Variants in TMEM108 observed in about 807,000 individuals in gnomAD.
TMEM108 encodes the protein cancer/testis antigen 124.
TMEM108 carries 12 observed loss-of-function variants against 35.1 expected under a neutral mutation model. That is an observed-to-expected ratio of 0.34 (90% confidence interval 0.22 to 0.55). The LOEUF (loss-of-function observed/expected upper bound fraction) is 0.55. Ranked by LOEUF, TMEM108 falls within the 20% of genes least tolerant of loss-of-function variation. The pLI, the probability that TMEM108 is intolerant of heterozygous loss-of-function variation, is 0.89. For missense variants in TMEM108, 680 were observed against 753.3 expected (o/e 0.90, Z 1.14); for synonymous variants, 287 against 308.6 (o/e 0.93, Z 0.73).
At chr3:133,274,293 T>G (rs1406750611) in intron 3 of TMEM108, among the ~76,000 whole-genome samples, 6 of 152,232 alleles carry the variant, frequency 3.9e-5, no homozygotes, top group Admixed American at 3.9e-4. Flanking sequence ...GTCGAGGCTG[T>G]AGAGAATCCT....
At chr3:133,262,596 G>A (rs1053628002) in intron 3 of TMEM108, among the ~76,000 whole-genome samples, 2 of 152,218 alleles carry the variant, frequency 1.3e-5, no homozygotes, top group African/African-American at 4.8e-5. Flanking sequence ...CTAAGATACA[G>A]CATGTGGAAA....
At chr3:133,041,099 G>T (rs1342272388) in intron 1 of TMEM108, among the ~76,000 whole-genome samples, 1 of 152,212 alleles carries the variant, frequency 6.6e-6, no homozygotes. Context: ...ATTGGGGAAA[G>T]AGGAGAGCCA....
intron 1 of TMEM108, among the ~76,000 whole-genome samples, chr3:133,042,675 T>C (rs1250510546): frequency 6.6e-6 from 1 of 152,188 alleles, no homozygotes; most frequent in Non-Finnish European, 1.5e-5. Context: ...CAGTTCAGAG[T>C]AGGAAGAAAC....
chr3:133,387,576 A>G lies in TMEM108; in HGVS notation c.1451-2604A>G, dbSNP rs116478007. ...GGAGGACTTGGATTCTGCAACCTCT[A>G]CCAGCCCAGGTTAGCAGCATGGCCT... On this transcript the variant is annotated intron_variant, in intron 4 of 5. Coordinates refer to ENST00000321871, the MANE Select transcript of TMEM108 (RefSeq NM_023943.4). 303 of 977,520 alleles carry G rather than the reference A, an allele frequency of 3.1e-4. 1 individual carries two copies. The African/African-American group carries it at 4.8e-3, about 15-fold the overall frequency. 60.6% of individuals were successfully genotyped at this position (977,520 alleles called of 1,614,324 possible). A position where few individuals can be genotyped will look rare whatever the true frequency, so the allele number is the denominator to read the frequency against.
chr3:133,232,585 CA>C (rs1462155020), intron 3 of TMEM108, among the ~76,000 whole-genome samples: 1 of 152,156 alleles, frequency 6.6e-6, no homozygotes, highest in Non-Finnish European at 1.5e-5. Flanking sequence ...ACAGTAAGAC[CA>C]AAATAAAAAG....
intron 3 of TMEM108, among the ~76,000 whole-genome samples, chr3:133,317,497 G>A (rs2071214055): frequency 6.6e-6 from 1 of 152,170 alleles, no homozygotes; most frequent in Admixed American, 6.5e-5. Context: ...TTCCCAGATG[G>A]CTTACAGAAT....
chr3:133,380,126 C>T lies in TMEM108; in HGVS notation c.415C>T (p.Pro139Ser). ...PEGRPRGQAA[P>S]TILLTKPPGA... ...GGGCCGCCCTCGAGGGCAGGCTGCCCCCACCATCCTGCTGACAAAGCCACC... is the reference window on the plus strand; with the variant it reads ...GGGCCGCCCTCGAGGGCAGGCTGCCTCCACCATCCTGCTGACAAAGCCACC... Residue 139 changes from proline (P) to serine (S), a missense_variant, in exon 4 of 6, where the codon CCC becomes TCC. Physicochemically the swap from Pro to Ser is moderately conservative, Grantham distance 74. Around this residue, in one of 3 missense-constraint regions of TMEM108, gnomAD observed 526 missense variants for 532.1 expected, o/e 0.99. Transcript: ENST00000321871. This position sits in a 1 kb window ranked among gnomAD's most constrained non-coding sequence, Gnocchi z 5.3. The T allele has an allele frequency of 1.2e-6, 2 of 1,613,908 alleles. No individual in the cohort carries two copies. Among genetic ancestry groups the T allele is most frequent in the Non-Finnish European group, 1.7e-6 (2 of 1,179,966 alleles).
intron 2 of TMEM108, among the ~76,000 whole-genome samples, chr3:133,221,607 T>C (rs1382897884): frequency 6.6e-6 from 1 of 151,506 alleles, no homozygotes; most frequent in East Asian, 1.9e-4. Context: ...CTTGCTGCCT[T>C]CCTTTGTGAT....
intron 2 of TMEM108, among the ~76,000 whole-genome samples, chr3:133,080,145 G>C (rs1943791434): frequency 6.6e-6 from 1 of 152,184 alleles, no homozygotes; most frequent in Non-Finnish European, 1.5e-5. Context: ...GAAGCCTAGA[G>C]GAGAGCACAG....
chr3:133,193,339 T>A (rs1461961807), intron 2 of TMEM108, among the ~76,000 whole-genome samples: 1 of 152,208 alleles, frequency 6.6e-6, no homozygotes, highest in Non-Finnish European at 1.5e-5. Context: ...ATTCAATGAA[T>A]GAAAAGCATT....
intron 3 of TMEM108, among the ~76,000 whole-genome samples, chr3:133,298,742 C>G (rs1294623810): frequency 6.6e-6 from 1 of 152,176 alleles, no homozygotes; most frequent in Non-Finnish European, 1.5e-5. Flanking sequence ...CCCAAGGACA[C>G]AGAGTTGTGA....
At chr3:133,222,275 A>G (rs1197767493) in intron 2 of TMEM108, among the ~76,000 whole-genome samples, 3 of 151,930 alleles carry the variant, frequency 2.0e-5, no homozygotes, top group Non-Finnish European at 2.9e-5. Context: ...CTGCTGAGAA[A>G]CTGCAGCCTT....
intron 2 of TMEM108, among the ~76,000 whole-genome samples, chr3:133,226,844 A>G (rs928445966): frequency 6.6e-6 from 1 of 152,228 alleles, no homozygotes; most frequent in Non-Finnish European, 1.5e-5. Flanking sequence ...TACAAAAGAA[A>G]GAGGTTTAAT....
chr3:133,061,796 C>A (rs1020386978), intron 2 of TMEM108, among the ~76,000 whole-genome samples: 5 of 152,014 alleles, frequency 3.3e-5, no homozygotes, highest in Non-Finnish European at 5.9e-5. Flanking sequence ...ATGTAAGTAC[C>A]CACCAAGGAG....
intron 3 of TMEM108, among the ~76,000 whole-genome samples, chr3:133,369,167 T>C (rs1445271951): frequency 6.6e-6 from 1 of 152,222 alleles, no homozygotes; most frequent in Admixed American, 6.5e-5. Flanking sequence ...CGAAGGTCTC[T>C]GCGGGGAAGA....
At chr3:133,095,004 C>T (rs12495638) in intron 2 of TMEM108, among the ~76,000 whole-genome samples, 13,074 of 152,160 alleles carry the variant, frequency 0.086, 678 homozygotes, top group East Asian at 0.12. Context: ...AATTGTATTC[C>T]CACTCAGTAC....
chr3:133,345,515 C>T (rs1356243527), intron 3 of TMEM108, among the ~76,000 whole-genome samples: 1 of 151,492 alleles, frequency 6.6e-6, no homozygotes, highest in Non-Finnish European at 1.5e-5. Context: ...ACTAGATAAC[C>T]GTCAAACAAT....
intron 2 of TMEM108, among the ~76,000 whole-genome samples, chr3:133,081,457 A>G (rs1431607644): frequency 6.6e-6 from 1 of 152,208 alleles, no homozygotes; most frequent in Non-Finnish European, 1.5e-5. Flanking sequence ...CAAAGACTCC[A>G]TCTACAAATA....
intron 2 of TMEM108, among the ~76,000 whole-genome samples, chr3:133,114,744 A>C (rs2107728064): frequency 6.6e-6 from 1 of 152,324 alleles, no homozygotes; most frequent in Non-Finnish European, 1.5e-5. Context: ...AAATATGAAT[A>C]AGAATAATCC....
Sources: allele counts gnomAD v4.1 joint callset (sites outside exome capture counted in the v4.1 genomes callset), GRCh38; gene constraint gnomAD v4.1.1; regional missense constraint gnomAD v4.1.1; non-coding constraint Gnocchi (gnomAD v3.1); transcripts MANE v1.5; gene names NCBI Gene and HGNC (gene_info 2026-07-23, HGNC 2026-07-21).